KCNB2: variants seen among roughly 807,000 people sequenced by gnomAD.
KCNB2 encodes the protein delayed rectifier potassium channel protein.
Under a neutral mutation model 61.5 loss-of-function variants are expected in KCNB2, and 15 were observed. That is an observed-to-expected ratio of 0.24 (90% confidence interval 0.16 to 0.38). The LOEUF is 0.38. Among genes scored for constraint, KCNB2 ranks in the 10% least tolerant of loss-of-function variants. The pLI is 1.00. For missense variants in KCNB2, 828 were observed against 1,125.2 expected (o/e 0.74, Z 3.78); for synonymous variants, 457 against 446.0 (o/e 1.02, Z -0.31).
intron 2 of KCNB2, among the ~76,000 whole-genome samples, chr8:72,788,735 A>C (rs528039905): frequency 3.5e-4 from 54 of 152,244 alleles, no homozygotes; most frequent in Non-Finnish European, 1.0e-4. Flanking sequence ...TAAATCTACC[A>C]TTCACTATAT....
At chr8:72,751,019 G>A (rs1038549705) in intron 2 of KCNB2, 4 of 152,138 alleles carry the variant, frequency 2.6e-5, no homozygotes, top group Non-Finnish European at 5.9e-5. Context: ...TACTCCTGGA[G>A]AAACTTAAGA....
At chr8:72,701,809 G>C (rs546424903) in intron 2 of KCNB2, among the ~76,000 whole-genome samples, 17 of 152,098 alleles carry the variant, frequency 1.1e-4, no homozygotes, top group South Asian at 2.1e-4. Context: ...CACATAAAAG[G>C]AAAAATTGCG....
At position 72,650,880 on chromosome 8, in the gene KCNB2, G is replaced by A. The variant is rs534703361; in HGVS notation, c.579+82567G>A. On this transcript the variant is annotated intron_variant, in intron 2 of 2. Coordinates refer to ENST00000523207, the MANE Select transcript of KCNB2 (RefSeq NM_004770.3). ...AGAGGTCCCCCTCCCTGGTCAAAAC[G>A]ACTTTTAATCTTCCCATACAGACTT... Among the ~76,000 whole-genome samples the A allele has an allele frequency of 7.1e-4, 108 of 152,154 alleles. 3 individuals carry two copies. In the South Asian group the frequency reaches 0.021, roughly 29 times the overall value.
chr8:72,808,525 C>T (rs143587226), intron 2 of KCNB2, among the ~76,000 whole-genome samples: 292 of 152,240 alleles, frequency 1.9e-3, no homozygotes, highest in African/African-American at 6.6e-3. Flanking sequence ...TGTAATCTAG[C>T]CCCCATACAA....
chr8:72,561,790 C>T (rs77932583), intron 1 of KCNB2, among the ~76,000 whole-genome samples: 15,243 of 39,984 alleles, frequency 0.38, 4,710 homozygotes, highest in Non-Finnish European at 0.48. Flanking sequence ...TATATATATA[C>T]ATATATATAT....
At chr8:72,546,335 G>T (rs574781280) in intron 1 of KCNB2, among the ~76,000 whole-genome samples, 1 of 152,188 alleles carries the variant, frequency 6.6e-6, no homozygotes, top group South Asian at 2.1e-4. Flanking sequence ...CCAACTTGAT[G>T]AAACCCCGTG....
chr8:72,913,376 T>C (rs1015634520), intron 2 of KCNB2, among the ~76,000 whole-genome samples: 3 of 152,230 alleles, frequency 2.0e-5, no homozygotes, highest in East Asian at 1.9e-4. Flanking sequence ...GAGTCTTCCC[T>C]TCAGGAGATT....
At position 72,869,904 on chromosome 8, in the gene KCNB2, G is replaced by A. The variant is rs183178246; in HGVS notation, c.580-66031G>A. 3.2e-4 allele frequency among the ~76,000 whole-genome samples: 48 copies of A among 152,158 alleles called. 1 individual carries two copies. Among genetic ancestry groups the A allele is most frequent in the Admixed American group, 2.3e-3 (35 of 15,276 alleles). On this transcript the variant is annotated intron_variant, in intron 2 of 2. Coordinates refer to ENST00000523207, the MANE Select transcript of KCNB2 (RefSeq NM_004770.3). ...GTATCTGCACCCCCCTATTCACTGC[G>A]GTATTATTCACAATAGCCAAGGCAT... is the stretch of plus-strand genomic sequence containing the variant.
intron 2 of KCNB2, among the ~76,000 whole-genome samples, chr8:72,742,831 G>A (rs1226297090): frequency 1.3e-5 from 2 of 152,306 alleles, no homozygotes; most frequent in East Asian, 3.9e-4. Context: ...CTTTACCCAT[G>A]ACGTCTGACG....
intron 2 of KCNB2, among the ~76,000 whole-genome samples, chr8:72,768,510 T>G (rs911308203): frequency 2.0e-5 from 3 of 151,982 alleles, no homozygotes; most frequent in Non-Finnish European, 2.9e-5. Flanking sequence ...TTTTTTTTGG[T>G]GCTGTATTAT....
At chr8:72,754,842 C>T (rs1448368832) in intron 2 of KCNB2, among the ~76,000 whole-genome samples, 3 of 151,796 alleles carry the variant, frequency 2.0e-5, no homozygotes, top group Non-Finnish European at 4.4e-5. Flanking sequence ...TATATAAGTC[C>T]GCCCTCAAGG....
intron 2 of KCNB2, among the ~76,000 whole-genome samples, chr8:72,891,077 A>T (rs1269521366): frequency 6.6e-6 from 1 of 152,234 alleles, no homozygotes; most frequent in African/African-American, 2.4e-5. Flanking sequence ...GGCCAAGATC[A>T]TTGCCTCTCC....
chr8:72,724,665 C>T (rs1807603743), intron 2 of KCNB2, among the ~76,000 whole-genome samples: 1 of 152,180 alleles, frequency 6.6e-6, no homozygotes, highest in African/African-American at 2.4e-5. Flanking sequence ...ACTGCATCAA[C>T]ATACTTATAC....
Position 72,853,952 on chromosome 8 carries a change from C to G in KCNB2, c.580-81983C>G, listed in dbSNP as rs144653669. ...GCAATATTCAGCTTTCTTATCTACC[C>G]TCCTCACTATCCATGAGATGTTGTC... On this transcript the variant is annotated intron_variant, in intron 2 of 2. Coordinates refer to ENST00000523207, the MANE Select transcript of KCNB2 (RefSeq NM_004770.3). Among the ~76,000 whole-genome samples the G allele has an allele frequency of 2.5e-3, 385 of 152,302 alleles. 8 individuals carry two copies. The highest frequency in any genetic ancestry group is 0.013 in the Admixed American group (195 of 15,296).
chr8:72,797,705 C>T (rs1259704718), intron 2 of KCNB2, among the ~76,000 whole-genome samples: 1 of 152,182 alleles, frequency 6.6e-6, no homozygotes, highest in Non-Finnish European at 1.5e-5. Context: ...AACCAATTAT[C>T]CACATCGCTT....
intron 2 of KCNB2, among the ~76,000 whole-genome samples, chr8:72,913,780 G>A (rs1424607906): frequency 6.6e-6 from 1 of 152,220 alleles, no homozygotes; most frequent in African/African-American, 2.4e-5. Context: ...CTCTTCTGCA[G>A]TACTCAGATG....
At chr8:72,904,435 G>A (rs116233999) in intron 2 of KCNB2, among the ~76,000 whole-genome samples, 1 of 152,044 alleles carries the variant, frequency 6.6e-6, no homozygotes, top group Non-Finnish European at 1.5e-5. Context: ...TGGGTGATGG[G>A]TTGATCTGTG....
At chr8:72,669,173 C>T (rs1367567461) in intron 2 of KCNB2, among the ~76,000 whole-genome samples, 1 of 152,136 alleles carries the variant, frequency 6.6e-6, no homozygotes, top group Non-Finnish European at 1.5e-5. Flanking sequence ...AGAAAGCTAC[C>T]TGTTCTTCCA....
At chr8:72,553,164 A>G (rs1462663240) in intron 1 of KCNB2, among the ~76,000 whole-genome samples, 2 of 152,182 alleles carry the variant, frequency 1.3e-5, no homozygotes, top group East Asian at 1.9e-4. Context: ...GCTGTTTCAT[A>G]CATTTTGGAT....
Sources: gnomAD v4.1 joint callset for allele counts (sites outside exome capture counted in the v4.1 genomes callset) on GRCh38, gnomAD v4.1.1 for gene constraint, MANE v1.5 for transcripts, NCBI Gene and HGNC (gene_info 2026-07-23, HGNC 2026-07-21) for gene names.